Variants in AGBL1 observed in about 807,000 individuals in gnomAD.
AGBL1 encodes cytosolic carboxypeptidase 4.
AGBL1 carries 130 observed loss-of-function variants against 118.9 expected under a neutral mutation model. That is an observed-to-expected ratio of 1.09 (90% confidence interval 0.95 to 1.26). The LOEUF is 1.26. Among genes scored for constraint, AGBL1 ranks in the 50% most tolerant of loss-of-function variants. The pLI is 0.00. For synonymous variants in AGBL1, 555 were observed against 478.9 expected, an observed-to-expected ratio of 1.16 and a Z score of -2.08; for missense variants, 1,584 against 1,298.1, an observed-to-expected ratio of 1.22 and a Z score of -3.38.
chr15:86,803,543 G>A (rs763238441), intron 22 of AGBL1, among the ~76,000 whole-genome samples: 1 of 152,056 alleles, frequency 6.6e-6, no homozygotes, highest in South Asian at 2.1e-4. Flanking sequence ...TTTCAGAAAC[G>A]GTAAGAGTCA....
In AGBL1 at chr15:86,209,944, G is replaced by A. The variant is rs987112059; in HGVS notation, c.489-14970G>A. 4.6e-5 allele frequency among the ~76,000 whole-genome samples: 7 copies of A among 152,140 alleles called. No homozygotes were observed. In the South Asian group the frequency reaches 1.4e-3, roughly 31 times the overall value. On this transcript the variant is annotated intron_variant, in intron 5 of 22. Coordinates refer to ENST00000614907, the MANE Select transcript of AGBL1 (RefSeq NM_001386094.1). Reference sequence around the variant, plus strand: ...TTACAATTTGGCATGTTTTTGCAGTGGCTGGAACTGATTGTTCCTTTCCAT... The same window carrying A: ...TTACAATTTGGCATGTTTTTGCAGTAGCTGGAACTGATTGTTCCTTTCCAT...
At chr15:86,817,882 C>T (rs1442424501) in intron 22 of AGBL1, among the ~76,000 whole-genome samples, 2 of 152,110 alleles carry the variant, frequency 1.3e-5, no homozygotes, top group African/African-American at 2.4e-5. Context: ...AACTGACATC[C>T]TTAGAAGAGA....
At chr15:86,832,273 T>C (rs1396138766) in intron 22 of AGBL1, among the ~76,000 whole-genome samples, 4 of 152,236 alleles carry the variant, frequency 2.6e-5, no homozygotes, top group East Asian at 1.9e-4. Flanking sequence ...TCGTTACTTA[T>C]GCAAATTTCT....
At chr15:86,228,017 C>G (rs2078394939) in intron 6 of AGBL1, among the ~76,000 whole-genome samples, 1 of 152,170 alleles carries the variant, frequency 6.6e-6, no homozygotes, top group Non-Finnish European at 1.5e-5. Flanking sequence ...TAACAGCATG[C>G]TAGGCAGCTG....
intron 18 of AGBL1, among the ~76,000 whole-genome samples, chr15:86,430,128 A>G (rs936052175): frequency 3.3e-5 from 5 of 152,212 alleles, no homozygotes; most frequent in Non-Finnish European, 7.3e-5. Context: ...CTTTCAGTGC[A>G]TATGTTTTAG....
intron 21 of AGBL1, among the ~76,000 whole-genome samples, chr15:86,655,581 C>T (rs533152501): frequency 6.6e-6 from 1 of 152,050 alleles, no homozygotes; most frequent in Non-Finnish European, 1.5e-5. Context: ...GTACATCGTA[C>T]CTCTAGGAAA....
chr15:86,847,281 G>A (rs2079333595), intron 22 of AGBL1, among the ~76,000 whole-genome samples: 1 of 152,144 alleles, frequency 6.6e-6, no homozygotes. Context: ...ATCACTGCTT[G>A]TTCTTTCACT....
At chr15:86,744,472 G>C (rs1442922606) in intron 22 of AGBL1, among the ~76,000 whole-genome samples, 1 of 152,096 alleles carries the variant, frequency 6.6e-6, no homozygotes, top group Non-Finnish European at 1.5e-5. Flanking sequence ...ATAATGAGCA[G>C]ATATGGTTTT....
chr15:86,693,686 G>A (rs1839990), intron 22 of AGBL1, among the ~76,000 whole-genome samples: 81,475 of 151,272 alleles, frequency 0.54, 22,468 homozygotes, highest in Non-Finnish European at 0.6. Context: ...AATGCCTAGA[G>A]GGTCTTTTCC....
At chr15:86,204,438 C>G (rs1351476053) in intron 5 of AGBL1, among the ~76,000 whole-genome samples, 1 of 152,136 alleles carries the variant, frequency 6.6e-6, no homozygotes, top group Non-Finnish European at 1.5e-5. Context: ...TTATCTGTGT[C>G]TCCCATCAGA....
intron 17 of AGBL1, among the ~76,000 whole-genome samples, chr15:86,321,274 T>C (rs2080100592): frequency 6.6e-6 from 1 of 152,244 alleles, no homozygotes; most frequent in South Asian, 2.1e-4. Context: ...AAATTCATGA[T>C]TGATTAAATA....
chr15:86,124,999 G>A (rs1442432404), intron 1 of AGBL1, among the ~76,000 whole-genome samples: 1 of 152,160 alleles, frequency 6.6e-6, no homozygotes, highest in African/African-American at 2.4e-5. Flanking sequence ...CTCTCCAAGT[G>A]CAATAATGGC....
intron 24 of AGBL1, among the ~76,000 whole-genome samples, chr15:87,004,311 G>T (rs192688797): frequency 1.3e-5 from 2 of 152,240 alleles, no homozygotes; most frequent in African/African-American, 4.8e-5. Context: ...CACAATTATA[G>T]TGGGAGAGTT....
In AGBL1 at chr15:86,279,754, C is replaced by A. The variant is rs758220380; in HGVS notation, c.2191C>A (p.His731Asn). 4.3e-6 allele frequency: 7 copies of A among 1,613,706 alleles called. No homozygotes were observed. In the East Asian group the frequency reaches 1.6e-4, roughly 36 times the overall value. Residue 731 changes from histidine (H) to asparagine (N), a missense_variant, in exon 16 of 23, where the codon CAC becomes AAC. By Grantham distance (68) the His-to-Asn change is moderately conservative (BLOSUM62 1). Transcript: ENST00000614907. ...HSEDVCYLAY[H>N]YPYTYTALMT... ...TGAGGATGTCTGCTACCTGGCCTAC[C>A]ACTATCCCTATACCTACACAGCCCT...
chr15:86,569,106 T>A (rs1001089098), intron 21 of AGBL1, among the ~76,000 whole-genome samples: 2 of 152,250 alleles, frequency 1.3e-5, no homozygotes, highest in African/African-American at 4.8e-5. Context: ...GCCATTGGAA[T>A]GCCATTTTAT....
At chr15:86,791,751 T>TATATATATATATATATA (rs1596484565) in intron 22 of AGBL1, among the ~76,000 whole-genome samples, 3 of 149,404 alleles carry the variant, frequency 2.0e-5, no homozygotes, top group Admixed American at 6.7e-5. Flanking sequence ...TATATATATA[T>TATATATATATATATATA]TTTGAGACAG....
Position 86,545,992 on chromosome 15 carries a change from G to A in AGBL1, c.2686-10G>A. 2 of 1,610,844 alleles carry A rather than the reference G, an allele frequency of 1.2e-6. No homozygotes were observed. On this transcript the variant is annotated splice_polypyrimidine_tract_variant and intron_variant, in intron 19 of 22. Transcript: ENST00000614907. ...CTGGTTTTATTTTCTCCTTTGTTGG[G>A]CTATTGTAGGTTTTCTGTGACTTCC...
intron 5 of AGBL1, among the ~76,000 whole-genome samples, chr15:86,213,437 G>A (rs1241322581): frequency 6.6e-6 from 1 of 152,176 alleles, no homozygotes; most frequent in African/African-American, 2.4e-5. Context: ...GGAGGTTGTT[G>A]GAAGTGCAGT....
At chr15:86,353,961 T>C (rs1026782906) in intron 17 of AGBL1, among the ~76,000 whole-genome samples, 2 of 152,214 alleles carry the variant, frequency 1.3e-5, no homozygotes, top group African/African-American at 4.8e-5. Flanking sequence ...CATGCATGGC[T>C]CAAGACACAG....
Sources: allele counts gnomAD v4.1 joint callset (sites outside exome capture counted in the v4.1 genomes callset), GRCh38; gene constraint gnomAD v4.1.1; transcripts MANE v1.5; gene names NCBI Gene and HGNC (gene_info 2026-07-23, HGNC 2026-07-21).